Variants in SYNJ1 observed in about 807,000 individuals in gnomAD.
The protein encoded by SYNJ1 is polyphosphatidylinositol phosphatase SYNJ1.
SYNJ1 carries 78 observed loss-of-function variants against 168.2 expected under a neutral mutation model. The observed-to-expected ratio is 0.46, with a 90% confidence interval of 0.39 to 0.56. The LOEUF is 0.56. Ranked by LOEUF, SYNJ1 falls within the 20% of genes least tolerant of loss-of-function variation. SYNJ1 has a pLI of 0.00. For synonymous variants in SYNJ1, 539 were observed against 548.6 expected (o/e 0.98, Z 0.24); for missense variants, 1,303 against 1,597.6 (o/e 0.82, Z 3.14).
chr21:32,653,154 A>C, intron 22 of SYNJ1, 134 bp downstream of exon 22: 1 of 691,150 alleles, frequency 1.4e-6, no homozygotes, highest in Non-Finnish European at 2.4e-6. Flanking sequence ...AAAAACATTA[A>C]ATAACTCCTC....
intron 2 of SYNJ1, among the ~76,000 whole-genome samples, chr21:32,723,860 T>C (rs541829056): frequency 3.9e-5 from 6 of 152,076 alleles, no homozygotes; most frequent in African/African-American, 1.4e-4. Context: ...AGTATGCACC[T>C]TGTGATACAG....
At chr21:32,681,069 TAACAGTAGGCACTGTGTTAAGTGCAGGG>T (rs1319421409) in intron 11 of SYNJ1, among the ~76,000 whole-genome samples, 4 of 152,318 alleles carry the variant, frequency 2.6e-5, no homozygotes, top group Admixed American at 2.0e-4. Context: ...ACACATCTAT[TAACAGTAGGCACTGTGTTAAGTGCAGGG>T]AACGCAAAGC....
chr21:32,690,150 T>C (rs976889495), intron 6 of SYNJ1, among the ~76,000 whole-genome samples: 3 of 152,246 alleles, frequency 2.0e-5, no homozygotes, highest in Non-Finnish European at 4.4e-5. Context: ...AACACATATA[T>C]ACATTCAGCT....
chr21:32,634,748 A>G, intron 32 of SYNJ1, 113 bp downstream of exon 32: 1 of 1,089,904 alleles, frequency 9.2e-7, no homozygotes, highest in Non-Finnish European at 1.3e-6. Context: ...TTATTAATGG[A>G]GACAGGTGGT....
In SYNJ1 at chr21:32,638,941, A is replaced by G; in HGVS notation, c.3882T>C (p.His1294=). The stretch of plus-strand genomic sequence containing the variant: ...GTGAGGAAGCTTCTGAAGGCAAGCT[A>G]TGGGATGACCTGCTTCGAGGTGGTG... ...PQPPPRSRSS[H]SLPSEASSQP... Residue 1294 remains histidine (H), a synonymous_variant, in exon 31 of 33, where the codon CAT becomes CAC. Coordinates refer to ENST00000674351, the MANE Select transcript of SYNJ1 (RefSeq NM_203446.3). The G allele has an allele frequency of 6.2e-7, 1 of 1,612,778 alleles. No individual in the cohort carries two copies. Among genetic ancestry groups the G allele is most frequent in the African/African-American group, 1.3e-5 (1 of 75,018 alleles).
Position 32,656,907 on chromosome 21 carries a change from A to T in SYNJ1, c.2580-5T>A, listed in dbSNP as rs775139004. On this transcript the variant is annotated splice_region_variant and splice_polypyrimidine_tract_variant and intron_variant, in intron 20 of 32. Coordinates refer to ENST00000674351, the MANE Select transcript of SYNJ1 (RefSeq NM_203446.3). ...TCAATCAGGGCAACGACAGGCCTTA[A>T]GGCATAAAGGAAGATAGATGTATTA... is the stretch of plus-strand genomic sequence containing the variant. 1.9e-6 allele frequency: 3 copies of T among 1,613,016 alleles called. No homozygotes were observed. Among genetic ancestry groups the T allele is most frequent in the Non-Finnish European group, 2.5e-6 (3 of 1,179,764 alleles).
At chr21:32,728,049 G>T (rs1397818575), upstream of SYNJ1, 1 of 1,528,052 alleles carries the variant, frequency 6.5e-7, no homozygotes, top group Non-Finnish European at 8.7e-7. Flanking sequence ...ATTGCGCCGC[G>T]GCCGGGGGCG....
intron 17 of SYNJ1, among the ~76,000 whole-genome samples, 196 bp from the exon 18 acceptor site, chr21:32,665,267 A>C (rs1276882716): frequency 6.6e-6 from 1 of 152,212 alleles, no homozygotes; most frequent in South Asian, 2.1e-4. Context: ...CAAGCCAGGA[A>C]CTATGACAGG....
chr21:32,667,154 A>T (rs972253486), intron 15 of SYNJ1, among the ~76,000 whole-genome samples: 1 of 151,948 alleles, frequency 6.6e-6, no homozygotes, highest in African/African-American at 2.4e-5. Context: ...ACACAATTTT[A>T]AAAAATATTT....
chr21:32,685,957 A>T, intron 8 of SYNJ1, 40 bp from the exon 9 acceptor site: 1 of 1,580,844 alleles, frequency 6.3e-7, no homozygotes, highest in Non-Finnish European at 8.6e-7. Context: ...AATGAAAGTA[A>T]AAAGGCAAAT....
chr21:32,721,625 G>A (rs563936248), intron 2 of SYNJ1, among the ~76,000 whole-genome samples: 1 of 151,762 alleles, frequency 6.6e-6, no homozygotes, highest in South Asian at 2.1e-4. Flanking sequence ...GCTGTAGTGA[G>A]TCAAGATTGC....
At chr21:32,692,507 C>T (rs755850123) in intron 6 of SYNJ1, among the ~76,000 whole-genome samples, 8 of 151,992 alleles carry the variant, frequency 5.3e-5, no homozygotes, top group Non-Finnish European at 1.0e-4. Context: ...CCCTGGGAGG[C>T]GGAGGTTGCA....
At chr21:32,699,453 C>G (rs1444723033) in intron 4 of SYNJ1, among the ~76,000 whole-genome samples, 1 of 152,208 alleles carries the variant, frequency 6.6e-6, no homozygotes, top group Non-Finnish European at 1.5e-5. Flanking sequence ...TATGCCTGCT[C>G]AGCTCTCAGG....
intron 2 of SYNJ1, among the ~76,000 whole-genome samples, chr21:32,703,070 C>CA (rs1344189105): frequency 6.6e-6 from 1 of 152,266 alleles, no homozygotes; most frequent in Admixed American, 6.5e-5. Context: ...CTCACTTTCC[C>CA]TGCCTGCTTC....
intron 31 of SYNJ1, among the ~76,000 whole-genome samples, chr21:32,637,406 C>CTTTTTTTT (rs5843562): frequency 1.3e-3 from 134 of 100,284 alleles, no homozygotes; most frequent in East Asian, 2.0e-3. Flanking sequence ...TTTCTTTTTT[C>CTTTTTTTT]TTTTTTTTTT....
chr21:32,723,923 G>A (rs1380906638), intron 2 of SYNJ1, among the ~76,000 whole-genome samples: 1 of 152,206 alleles, frequency 6.6e-6, no homozygotes, highest in Non-Finnish European at 1.5e-5. Context: ...AGCTGGAGTG[G>A]TTGGGGCAGA....
At chr21:32,660,250 C>T (rs938951012) in intron 18 of SYNJ1, among the ~76,000 whole-genome samples, 80 of 152,322 alleles carry the variant, frequency 5.3e-4, no homozygotes, top group African/African-American at 1.8e-3. Context: ...CCTGTTAGCA[C>T]AAGAAGCAGA....
intron 27 of SYNJ1, among the ~76,000 whole-genome samples, 195 bp downstream of exon 27, chr21:32,643,215 C>T (rs1157993909): frequency 6.6e-6 from 1 of 151,344 alleles, no homozygotes; most frequent in Non-Finnish European, 1.5e-5. Flanking sequence ...AATGGATATC[C>T]ATTAGAAACT....
At chr21:32,663,939 C>CA (rs1193401352) in intron 18 of SYNJ1, among the ~76,000 whole-genome samples, 1 of 152,126 alleles carries the variant, frequency 6.6e-6, no homozygotes, top group African/African-American at 2.4e-5. Flanking sequence ...TGTCTATACA[C>CA]AGATGATGAA....
Sources: allele counts gnomAD v4.1 joint callset (sites outside exome capture counted in the v4.1 genomes callset), GRCh38; gene constraint gnomAD v4.1.1; transcripts MANE v1.5; gene names NCBI Gene and HGNC (gene_info 2026-07-23, HGNC 2026-07-21).